Variants in HERPUD2 observed in about 807,000 individuals in gnomAD.
HERPUD2 encodes the protein HERPUD family member 2, also known as homocysteine-responsive endoplasmic reticulum-resident ubiquitin-like domain member 2 protein.
Under a neutral mutation model 49.9 loss-of-function variants are expected in HERPUD2, and 13 were observed. That is an observed-to-expected ratio of 0.26 (90% confidence interval 0.17 to 0.41). The LOEUF (loss-of-function observed/expected upper bound fraction) is 0.41, where lower values mean the gene tolerates loss of function less well. Among genes scored for constraint, HERPUD2 ranks in the 10% least tolerant of loss-of-function variants. HERPUD2 has a pLI of 1.00. For synonymous variants in HERPUD2, 172 were observed against 171.4 expected, an observed-to-expected ratio of 1.00 and a Z score of -0.03; for missense variants, 449 against 492.2, an observed-to-expected ratio of 0.91 and a Z score of 0.83.
chr7:35,689,686 C>T (rs1209471390), intron 2 of HERPUD2, among the ~76,000 whole-genome samples: 2 of 152,112 alleles, frequency 1.3e-5, no homozygotes, highest in Non-Finnish European at 2.9e-5. Context: ...TTTGAAAAAA[C>T]AGCACAAACC....
At chr7:35,658,639 C>T (rs1376265175) in intron 5 of HERPUD2, among the ~76,000 whole-genome samples, 11 of 152,004 alleles carry the variant, frequency 7.2e-5, no homozygotes, top group African/African-American at 2.7e-4. Flanking sequence ...TAGATGGGTA[C>T]AATAAGTAGC....
At chr7:35,654,784 T>C (rs1385212429) in intron 5 of HERPUD2, among the ~76,000 whole-genome samples, 1 of 151,666 alleles carries the variant, frequency 6.6e-6, no homozygotes, top group Non-Finnish European at 1.5e-5. Context: ...CAAGTGATTC[T>C]CATGCTTCAG....
At chr7:35,686,822 T>A in intron 2 of HERPUD2, among the ~76,000 whole-genome samples, 1 of 2,534 alleles carries the variant, frequency 3.9e-4, no homozygotes, top group Non-Finnish European at 6.1e-4. Context: ...GGGGGGGGGG[T>A]GGGGGGGTGG....
intron 5 of HERPUD2, among the ~76,000 whole-genome samples, chr7:35,652,969 C>G (rs1418373787): frequency 6.6e-6 from 1 of 151,846 alleles, no homozygotes; most frequent in Non-Finnish European, 1.5e-5. Flanking sequence ...TATGTCACCA[C>G]TACAGAAAAC....
intron 2 of HERPUD2, among the ~76,000 whole-genome samples, chr7:35,693,170 A>C (rs577867498): frequency 6.6e-6 from 1 of 152,234 alleles, no homozygotes; most frequent in Non-Finnish European, 1.5e-5. Flanking sequence ...ATGGAGCTGT[A>C]CTGTCTATAT....
At chr7:35,646,382 C>T (rs1019952088) in intron 5 of HERPUD2, among the ~76,000 whole-genome samples, 5 of 151,794 alleles carry the variant, frequency 3.3e-5, no homozygotes, top group Non-Finnish European at 7.4e-5. Flanking sequence ...AGCAACATAA[C>T]GAGACCCTAT....
chr7:35,675,582 G>GA (rs1205054140), intron 2 of HERPUD2, among the ~76,000 whole-genome samples: 1 of 151,926 alleles, frequency 6.6e-6, no homozygotes, highest in Non-Finnish European at 1.5e-5. Context: ...CTCTTTTTGT[G>GA]AATTTTTTTC....
At chr7:35,647,241 C>T (rs1338600093) in intron 5 of HERPUD2, among the ~76,000 whole-genome samples, 1 of 152,098 alleles carries the variant, frequency 6.6e-6, no homozygotes, top group Non-Finnish European at 1.5e-5. Context: ...TCTGCGATTG[C>T]TTTATTCTCC....
Position 35,673,217 on chromosome 7 carries a change from T to C in HERPUD2, c.209A>G (p.Lys70Arg). The change falls in exon 3 of 9, where the codon AAA (lysine) becomes AGA (arginine). Residue 70 changes from lysine (K) to arginine (R), a missense_variant. Physicochemically the swap from Lys to Arg is conservative, Grantham distance 26. Coordinates refer to ENST00000311350, the MANE Select transcript of HERPUD2 (RefSeq NM_022373.5). ...AAAGCTTACTTTTCTGAGAATGTCT[T>C]TCAGCTGCAGATGATCGGGAAGCAG... ...GRLLPDHLQL[K>R]DILRKQDEYH... is the part of the protein sequence containing the mutation. 1.2e-6 allele frequency: 2 copies of C among 1,611,902 alleles called. No homozygotes were observed. Among genetic ancestry groups the C allele is most frequent in the Non-Finnish European group, 1.7e-6 (2 of 1,178,794 alleles).
At chr7:35,666,969 T>A (rs1219193726) in intron 5 of HERPUD2, among the ~76,000 whole-genome samples, 1 of 152,214 alleles carries the variant, frequency 6.6e-6, no homozygotes, top group Non-Finnish European at 1.5e-5. Flanking sequence ...ATTGCTGGGC[T>A]CTGTACTCTT....
At chr7:35,634,277 A>G in intron 8 of HERPUD2, 35 bp downstream of exon 8, 1 of 1,317,186 alleles carries the variant, frequency 7.6e-7, no homozygotes, top group South Asian at 1.2e-5. Flanking sequence ...GGAAAATCTC[A>G]GTATCTTAAG....
At chr7:35,661,236 A>G (rs1447426032) in intron 5 of HERPUD2, among the ~76,000 whole-genome samples, 3 of 152,166 alleles carry the variant, frequency 2.0e-5, no homozygotes, top group South Asian at 2.1e-4. Flanking sequence ...CCACTAGTCT[A>G]TATCTCTGTT....
chr7:35,666,352 C>T (rs149451534), intron 5 of HERPUD2, among the ~76,000 whole-genome samples: 1 of 152,190 alleles, frequency 6.6e-6, no homozygotes, highest in African/African-American at 2.4e-5. Context: ...ATATATTCAG[C>T]TTTGTTTTTC....
intron 5 of HERPUD2, among the ~76,000 whole-genome samples, chr7:35,643,496 ACTT>A (rs1222287712): frequency 6.6e-6 from 1 of 152,174 alleles, no homozygotes; most frequent in Non-Finnish European, 1.5e-5. Flanking sequence ...CTATGGAGTG[ACTT>A]CTTAGATATT....
chr7:35,639,754 A>T (rs1784937979), intron 5 of HERPUD2, among the ~76,000 whole-genome samples: 1 of 152,178 alleles, frequency 6.6e-6, no homozygotes, highest in African/African-American at 2.4e-5. Context: ...TTGATTATAG[A>T]AACCTAACTT....
intron 2 of HERPUD2, among the ~76,000 whole-genome samples, chr7:35,674,389 A>G (rs1459961542): frequency 1.8e-5 from 1 of 54,356 alleles, no homozygotes; most frequent in African/African-American, 8.1e-5. Context: ...CTATATATAT[A>G]TATATATATA....
chr7:35,678,183 T>C (rs1785806628), intron 2 of HERPUD2, among the ~76,000 whole-genome samples: 1 of 152,134 alleles, frequency 6.6e-6, no homozygotes, highest in Non-Finnish European at 1.5e-5. Flanking sequence ...GAACATGATT[T>C]GGATGCTGCT....
chr7:35,662,893 A>G (rs2115932603), intron 5 of HERPUD2, among the ~76,000 whole-genome samples: 1 of 152,086 alleles, frequency 6.6e-6, no homozygotes, highest in East Asian at 1.9e-4. Context: ...GATCTTAGTT[A>G]TTTCTTGCCT....
At chr7:35,646,195 C>T (rs1457648255) in intron 5 of HERPUD2, among the ~76,000 whole-genome samples, 1 of 152,036 alleles carries the variant, frequency 6.6e-6, no homozygotes, top group Admixed American at 6.5e-5. Flanking sequence ...AATTATTCAA[C>T]ATTAAATGAA....
Sources: gnomAD v4.1 joint callset for allele counts (sites outside exome capture counted in the v4.1 genomes callset) on GRCh38, gnomAD v4.1.1 for gene constraint, MANE v1.5 for transcripts, NCBI Gene and HGNC (gene_info 2026-07-23, HGNC 2026-07-21) for gene names.